Variants in RABGAP1L observed in about 807,000 individuals in gnomAD.
RABGAP1L encodes the protein rab GTPase-activating protein 1-like.
In RABGAP1L, 63 loss-of-function variants were observed where a neutral mutation model predicts 137.7. The ratio of observed to expected loss-of-function variants is 0.46; its 90% CI spans 0.37 to 0.56. The LOEUF is 0.56. Among genes scored for constraint, RABGAP1L ranks in the 20% least tolerant of loss-of-function variants. The pLI is 0.00. For missense variants in RABGAP1L, 1,095 were observed against 1,244.0 expected, an observed-to-expected ratio of 0.88 and a Z score of 1.80; for synonymous variants, 431 against 433.7, an observed-to-expected ratio of 0.99 and a Z score of 0.08.
chr1:174,937,135 C>T (rs542079193), intron 19 of RABGAP1L, among the ~76,000 whole-genome samples: 12 of 151,348 alleles, frequency 7.9e-5, no homozygotes, highest in South Asian at 4.2e-4. Flanking sequence ...CCTGCCACCA[C>T]GCCCGGGTAA....
intron 8 of RABGAP1L, among the ~76,000 whole-genome samples, chr1:174,275,381 A>G (rs1674905256): frequency 6.6e-6 from 1 of 152,186 alleles, no homozygotes; most frequent in Non-Finnish European, 1.5e-5. Flanking sequence ...TTCATTAAAA[A>G]TTAGAATATT....
At chr1:174,578,172 T>A (rs1311140077) in intron 13 of RABGAP1L, among the ~76,000 whole-genome samples, 1 of 152,186 alleles carries the variant, frequency 6.6e-6, no homozygotes, top group East Asian at 1.9e-4. Context: ...AAAATTACAT[T>A]GTGAAACTAG....
intron 19 of RABGAP1L, among the ~76,000 whole-genome samples, chr1:174,819,874 A>G (rs1690838718): frequency 6.6e-6 from 1 of 152,240 alleles, no homozygotes; most frequent in African/African-American, 2.4e-5. Flanking sequence ...ATTAACCTCA[A>G]AAGAATGGAC....
At chr1:174,610,443 T>C (rs1393545593) in intron 13 of RABGAP1L, among the ~76,000 whole-genome samples, 1 of 151,936 alleles carries the variant, frequency 6.6e-6, no homozygotes, top group East Asian at 1.9e-4. Flanking sequence ...ATTTTCTTAA[T>C]CCAGTCTATC....
intron 13 of RABGAP1L, among the ~76,000 whole-genome samples, chr1:174,609,992 A>G (rs1671072810): frequency 6.6e-6 from 1 of 150,856 alleles, no homozygotes; most frequent in African/African-American, 2.4e-5. Flanking sequence ...AATTATTTTT[A>G]TATATCATCT....
At chr1:174,357,523 A>G (rs1358500078) in intron 11 of RABGAP1L, among the ~76,000 whole-genome samples, 1 of 152,226 alleles carries the variant, frequency 6.6e-6, no homozygotes, top group Non-Finnish European at 1.5e-5. Context: ...TAGGAAAGAG[A>G]AAAGACATGT....
chr1:174,568,518 A>G (rs570279150), intron 13 of RABGAP1L, among the ~76,000 whole-genome samples: 2 of 152,310 alleles, frequency 1.3e-5, no homozygotes, highest in Admixed American at 1.3e-4. Context: ...ACCATTTTTT[A>G]TCATTGTTAG....
In RABGAP1L at chr1:174,849,075, C is replaced by A. The variant is rs997406224; in HGVS notation, c.2340+37115C>A. On this transcript the variant is annotated intron_variant, in intron 19 of 25. Coordinates refer to ENST00000681986, the MANE Select transcript of RABGAP1L (RefSeq NM_001366446.1). The stretch of plus-strand genomic sequence containing the variant: ...CTTCCCAGGTGAGGCAATGCCTCGC[C>A]CTGCTTCGGCTCGCGCACGGTGCGT... Among the ~76,000 whole-genome samples, 8 of 152,326 alleles carry A rather than the reference C, an allele frequency of 5.3e-5. No homozygotes were observed. The South Asian group carries it at 6.2e-4, about 12-fold the overall frequency.
At chr1:174,372,531 A>G (rs758485458) in intron 12 of RABGAP1L, among the ~76,000 whole-genome samples, 1 of 152,196 alleles carries the variant, frequency 6.6e-6, no homozygotes, top group African/African-American at 2.4e-5. Context: ...AACAAGGGTC[A>G]TTAATGAAGA....
intron 20 of RABGAP1L, among the ~76,000 whole-genome samples, chr1:174,958,680 A>G (rs1437651724): frequency 1.3e-5 from 2 of 152,326 alleles, no homozygotes; most frequent in African/African-American, 2.4e-5. Flanking sequence ...GCTGAATTGA[A>G]TAGCATGGGA....
At chr1:174,698,025 A>G (rs1679389833) in intron 15 of RABGAP1L, among the ~76,000 whole-genome samples, 1 of 152,264 alleles carries the variant, frequency 6.6e-6, no homozygotes, top group South Asian at 2.1e-4. Flanking sequence ...GCTGATTTGT[A>G]TGAAATCTTG....
chr1:174,400,861 C>A (rs901391495), intron 13 of RABGAP1L, among the ~76,000 whole-genome samples: 2 of 151,846 alleles, frequency 1.3e-5, no homozygotes, highest in Non-Finnish European at 2.9e-5. Flanking sequence ...AGAATAGGGC[C>A]GGGATTACAA....
chr1:174,787,053 A>T (rs1447836998), intron 18 of RABGAP1L, among the ~76,000 whole-genome samples: 6 of 152,194 alleles, frequency 3.9e-5, no homozygotes, highest in Non-Finnish European at 7.3e-5. Context: ...TTGTAGGGTC[A>T]TAAATGGGAC....
intron 18 of RABGAP1L, among the ~76,000 whole-genome samples, chr1:174,797,364 G>T (rs1048841829): frequency 6.6e-6 from 1 of 152,054 alleles, no homozygotes; most frequent in African/African-American, 2.4e-5. Context: ...TGGCAGTGCT[G>T]TACATAGCAG....
rs548458195 is a variant in RABGAP1L, at chr1:174,946,683, C to T, written c.2341-10774C>T. Among the ~76,000 whole-genome samples the T allele has an allele frequency of 9.2e-5, 14 of 151,782 alleles. No homozygotes were observed. The South Asian group carries it at 2.9e-3, about 32-fold the overall frequency. Reference sequence around the variant, plus strand: ...TGAGAGGCCGAGGCAGGTGGATCACCTGAGGTCAGGAGTTTGAGACCAGCC... The same window carrying T: ...TGAGAGGCCGAGGCAGGTGGATCACTTGAGGTCAGGAGTTTGAGACCAGCC... On this transcript the variant is annotated intron_variant, in intron 19 of 25. Coordinates refer to ENST00000681986, the MANE Select transcript of RABGAP1L (RefSeq NM_001366446.1).
chr1:174,438,068 A>G (rs1238396536), intron 13 of RABGAP1L, among the ~76,000 whole-genome samples: 1 of 152,200 alleles, frequency 6.6e-6, no homozygotes, highest in East Asian at 1.9e-4. Context: ...TCCTGAAGGA[A>G]GCACTAAACA....
chr1:174,574,298 G>T (rs1323419248), intron 13 of RABGAP1L, among the ~76,000 whole-genome samples: 1 of 152,050 alleles, frequency 6.6e-6, no homozygotes, highest in Non-Finnish European at 1.5e-5. Context: ...AAAGAAAGAT[G>T]GTGACCCTAT....
At chr1:174,539,109 T>A (rs1665139410) in intron 13 of RABGAP1L, among the ~76,000 whole-genome samples, 1 of 152,130 alleles carries the variant, frequency 6.6e-6, no homozygotes, top group East Asian at 1.9e-4. Flanking sequence ...AGTATAGTTT[T>A]CAAGAATAAA....
chr1:174,587,377 G>A (rs1278541630), intron 13 of RABGAP1L, among the ~76,000 whole-genome samples: 1 of 151,290 alleles, frequency 6.6e-6, no homozygotes, highest in African/African-American at 2.4e-5. Context: ...GCACCAGCAT[G>A]GCACATGTAT....
Sources: allele counts gnomAD v4.1 joint callset (sites outside exome capture counted in the v4.1 genomes callset), GRCh38; gene constraint gnomAD v4.1.1; transcripts MANE v1.5; gene names NCBI Gene and HGNC (gene_info 2026-07-23, HGNC 2026-07-21).